Variants in MAP4K5 observed in about 807,000 individuals in gnomAD.
MAP4K5 encodes MAPK/ERK kinase kinase kinase 5.
MAP4K5 carries 82 observed loss-of-function variants against 135.6 expected under a neutral mutation model. That is an observed-to-expected ratio of 0.60 (90% confidence interval 0.51 to 0.73). MAP4K5 has a LOEUF of 0.73. Ranked by LOEUF, MAP4K5 falls within the 30% of genes least tolerant of loss-of-function variation. The probability of loss-of-function intolerance (pLI) is 0.00; values close to 1 mark genes in which losing one functional copy is unlikely to be tolerated. For synonymous variants in MAP4K5, 347 were observed against 335.0 expected (o/e 1.04, Z -0.39); for missense variants, 907 against 1,010.9 (o/e 0.90, Z 1.39).
intron 12 of MAP4K5, among the ~76,000 whole-genome samples, chr14:50,463,274 C>T (rs956362695): frequency 6.6e-5 from 10 of 152,140 alleles, no homozygotes; most frequent in Non-Finnish European, 8.8e-5. Context: ...CTATTTCTAA[C>T]ATAAAAGTGT....
chr14:50,497,019 T>C (rs762827391), intron 3 of MAP4K5, among the ~76,000 whole-genome samples: 3 of 152,182 alleles, frequency 2.0e-5, no homozygotes, highest in Non-Finnish European at 4.4e-5. Context: ...GAAATAATGT[T>C]AAAGATAGTT....
At chr14:50,560,143 T>C in intron 1 of MAP4K5, 1 of 1,177,658 alleles carries the variant, frequency 8.5e-7, no homozygotes, top group Non-Finnish European at 1.2e-6. Context: ...AGCAACATCC[T>C]CAGAGTCTGA....
chr14:50,432,462 T>TG (rs756831997), intron 28 of MAP4K5, among the ~76,000 whole-genome samples: 2 of 151,536 alleles, frequency 1.3e-5, no homozygotes, highest in Non-Finnish European at 2.9e-5. Context: ...AGACAGTAGT[T>TG]GGGGGTCTGC....
intron 2 of MAP4K5, among the ~76,000 whole-genome samples, chr14:50,510,534 T>A (rs902129978): frequency 6.6e-6 from 1 of 152,228 alleles, no homozygotes; most frequent in Non-Finnish European, 1.5e-5. Flanking sequence ...CAATCATGGT[T>A]GTAGGAAGGT....
intron 19 of MAP4K5, 52 bp from the exon 20 acceptor site, chr14:50,443,822 A>T: frequency 6.5e-7 from 1 of 1,538,714 alleles, no homozygotes; most frequent in South Asian, 1.2e-5. Flanking sequence ...TCTTAAAAAG[A>T]AACTTGAGAC....
At chr14:50,525,187 A>G (rs1302185391) in intron 2 of MAP4K5, among the ~76,000 whole-genome samples, 2 of 152,054 alleles carry the variant, frequency 1.3e-5, no homozygotes, top group African/African-American at 4.8e-5. Context: ...ATTTCCTACC[A>G]CCTACCAGAC....
rs553188105 is a variant in MAP4K5 at position 50,482,505 on chromosome 14, G to A, written c.323-89C>T. On this transcript the variant is annotated intron_variant, in intron 5 of 32. Transcript: ENST00000682126. ...AAAAAAATGGCAAACTAGGCCAAGC[G>A]CAGTGGCTCACGCCTGTAATCCCAG... is the stretch of plus-strand genomic sequence containing the variant. The A allele has an allele frequency of 9.2e-5, 81 of 882,072 alleles. No individual in the cohort carries two copies. In the Middle Eastern group the frequency reaches 1.0e-3, roughly 11 times the overall value. 54.6% of individuals were successfully genotyped at this position (882,072 alleles called of 1,614,324 possible).
At chr14:50,546,512 C>G (rs1665662213) in intron 1 of MAP4K5, among the ~76,000 whole-genome samples, 1 of 152,088 alleles carries the variant, frequency 6.6e-6, no homozygotes, top group South Asian at 2.1e-4. Flanking sequence ...AAGTCAAGTA[C>G]TTTTTAAGTT....
chr14:50,485,398 G>C (rs2037342374), intron 5 of MAP4K5, among the ~76,000 whole-genome samples, 180 bp downstream of exon 5: 1 of 152,036 alleles, frequency 6.6e-6, no homozygotes, highest in Non-Finnish European at 1.5e-5. Flanking sequence ...TTCAGGCTCA[G>C]GCAAGTTTAA....
At chr14:50,450,985 A>C (rs1464260161) in intron 14 of MAP4K5, among the ~76,000 whole-genome samples, 2 of 152,246 alleles carry the variant, frequency 1.3e-5, no homozygotes, top group African/African-American at 4.8e-5. Context: ...TAAAATCAGC[A>C]GACAAGAATT....
chr14:50,505,241 G>A (rs2037785717), intron 2 of MAP4K5: 1 of 168,614 alleles, frequency 5.9e-6, no homozygotes, highest in African/African-American at 2.4e-5. Flanking sequence ...ACTACCTAGA[G>A]AAAAACAGTG....
chr14:50,459,492 C>T (rs1464592205), intron 13 of MAP4K5, among the ~76,000 whole-genome samples: 2 of 152,152 alleles, frequency 1.3e-5, no homozygotes, highest in Non-Finnish European at 2.9e-5. Flanking sequence ...AATGAACTCA[C>T]CATTCTGAAG....
intron 12 of MAP4K5, 62 bp downstream of exon 12, chr14:50,463,990 T>C (rs2036773482): frequency 1.1e-6 from 1 of 887,934 alleles, no homozygotes; most frequent in South Asian, 1.6e-5. Context: ...TAAATACTTT[T>C]GTTCTACTGA....
chr14:50,437,381 A>C, intron 26 of MAP4K5, 95 bp downstream of exon 26: 2 of 931,686 alleles, frequency 2.1e-6, no homozygotes, highest in South Asian at 1.6e-5. Flanking sequence ...TTAAAAACCT[A>C]CCCTCCTTCC....
intron 3 of MAP4K5, among the ~76,000 whole-genome samples, chr14:50,492,229 G>A (rs567734238): frequency 1.3e-5 from 2 of 152,140 alleles, no homozygotes; most frequent in South Asian, 4.2e-4. Context: ...GGATTTGGTA[G>A]TGATTTCCAA....
intron 2 of MAP4K5, among the ~76,000 whole-genome samples, chr14:50,517,681 A>C (rs1440866906): frequency 6.6e-6 from 1 of 151,964 alleles, no homozygotes; most frequent in Non-Finnish European, 1.5e-5. Context: ...TGGCAGGAGA[A>C]TTGCTTCAAC....
At chr14:50,494,291 C>T (rs1353764441) in intron 3 of MAP4K5, among the ~76,000 whole-genome samples, 1 of 151,946 alleles carries the variant, frequency 6.6e-6, no homozygotes, top group Non-Finnish European at 1.5e-5. Context: ...GCCTCAGCCT[C>T]CCGAGTAGCT....
intron 14 of MAP4K5, among the ~76,000 whole-genome samples, chr14:50,455,506 T>C (rs1292327188): frequency 6.6e-6 from 1 of 152,028 alleles, no homozygotes; most frequent in African/African-American, 2.4e-5. Context: ...ATATCATCAA[T>C]CTAGGCACTA....
intron 14 of MAP4K5, among the ~76,000 whole-genome samples, chr14:50,453,174 C>G (rs2036528596): frequency 6.6e-6 from 1 of 151,692 alleles, no homozygotes; most frequent in Admixed American, 6.6e-5. Flanking sequence ...TTATACTCTT[C>G]GTGAATACCT....
Sources: allele counts gnomAD v4.1 joint callset (sites outside exome capture counted in the v4.1 genomes callset), GRCh38; gene constraint gnomAD v4.1.1; transcripts MANE v1.5; gene names NCBI Gene and HGNC (gene_info 2026-07-23, HGNC 2026-07-21).